STON2: variants seen among roughly 807,000 people sequenced by gnomAD.
STON2 encodes the protein stonin 2, also known as stonin-2.
A neutral mutation model predicts 65.7 loss-of-function variants in STON2; 29 were observed. The ratio of observed to expected loss-of-function variants is 0.44; its 90% CI spans 0.33 to 0.60. The LOEUF is 0.60. Among genes scored for constraint, STON2 ranks in the 20% least tolerant of loss-of-function variants. STON2 has a pLI of 0.03. For missense variants in STON2, 1,054 were observed against 1,118.1 expected (o/e 0.94, Z 0.82); for synonymous variants, 404 against 414.2 (o/e 0.98, Z 0.30).
intron 7 of STON2, chr14:81,270,180 A>T: frequency 2.2e-6 from 1 of 453,234 alleles, no homozygotes; most frequent in Non-Finnish European, 2.9e-6. Context: ...TCAACCTCCC[A>T]GAGTCAAGTG....
At chr14:81,318,886 T>C (rs901437666) in intron 5 of STON2, among the ~76,000 whole-genome samples, 7 of 152,182 alleles carry the variant, frequency 4.6e-5, no homozygotes, top group African/African-American at 1.7e-4. Flanking sequence ...GTGAAATACA[T>C]TTCCCTGCCC....
chr14:81,416,366 G>A (rs962110837), intron 2 of STON2, among the ~76,000 whole-genome samples: 5 of 152,176 alleles, frequency 3.3e-5, no homozygotes, highest in South Asian at 4.1e-4. Flanking sequence ...AAAGAAGGAG[G>A]AGACCTTAGA....
At chr14:81,406,994 T>C (rs2139844874) in intron 2 of STON2, among the ~76,000 whole-genome samples, 1 of 152,350 alleles carries the variant, frequency 6.6e-6, no homozygotes, top group South Asian at 2.1e-4. Flanking sequence ...GTATGACTGC[T>C]GTGCTTGGCT....
intron 4 of STON2, chr14:81,333,312 C>A: frequency 4.7e-6 from 3 of 640,180 alleles, no homozygotes; most frequent in South Asian, 1.6e-5. Flanking sequence ...CCTCTGAAGT[C>A]GTTGGTTGGT....
rs1322137805 is a variant in STON2, at chr14:81,278,127, T to C, written c.1355A>G (p.His452Arg). ...ATCAGGTAGAGTTGCACTGCCAAAG[T>C]GATCAGGGTCATCAATTTGGAGTTG... ...LKQLQIDDPD[H>R]FGSATLPDDD... The change falls in exon 6 of 8, where the codon CAC becomes CGC. Residue 452 changes from histidine (H) to arginine (R), a missense_variant. Transcript: ENST00000614646. The C allele has an allele frequency of 5.6e-6, 9 of 1,614,094 alleles. No individual in the cohort carries two copies. Among genetic ancestry groups the C allele is most frequent in the Non-Finnish European group, 7.6e-6 (9 of 1,180,056 alleles).
chr14:81,271,686 G>C (rs1469710215), intron 6 of STON2, among the ~76,000 whole-genome samples: 1 of 152,208 alleles, frequency 6.6e-6, no homozygotes, highest in African/African-American at 2.4e-5. Context: ...CTTTGGGTTT[G>C]ATTTTTACTT....
intron 1 of STON2, among the ~76,000 whole-genome samples, chr14:81,428,233 C>T (rs766321590): frequency 1.1e-4 from 17 of 152,086 alleles, no homozygotes; most frequent in South Asian, 2.1e-4. Flanking sequence ...TGTAGGGACA[C>T]GGAATGATTT....
At chr14:81,423,365 T>A (rs1901809126) in intron 2 of STON2, among the ~76,000 whole-genome samples, 1 of 152,156 alleles carries the variant, frequency 6.6e-6, no homozygotes, top group Admixed American at 6.5e-5. Flanking sequence ...GCAACATTAA[T>A]TATAATTTAA....
At chr14:81,378,302 A>G (rs1404448256) in intron 3 of STON2, among the ~76,000 whole-genome samples, 1 of 151,872 alleles carries the variant, frequency 6.6e-6, no homozygotes, top group African/African-American at 2.4e-5. Context: ...TGTAACTTCC[A>G]CCTCCCAGGT....
At chr14:81,373,936 A>G (rs1368135546) in intron 3 of STON2, among the ~76,000 whole-genome samples, 2 of 145,624 alleles carry the variant, frequency 1.4e-5, no homozygotes, top group Non-Finnish European at 3.0e-5. Context: ...AGTTGAGACT[A>G]GTTTAAGTAC....
intron 5 of STON2, among the ~76,000 whole-genome samples, chr14:81,302,132 C>G (rs1415801314): frequency 6.6e-6 from 1 of 152,176 alleles, no homozygotes; most frequent in Non-Finnish European, 1.5e-5. Flanking sequence ...CTGGACTGTG[C>G]CTGTCTGTGG....
intron 5 of STON2, among the ~76,000 whole-genome samples, chr14:81,303,318 C>G (rs1896043531): frequency 6.6e-6 from 1 of 152,182 alleles, no homozygotes; most frequent in Non-Finnish European, 1.5e-5. Flanking sequence ...GCCTGACACA[C>G]AGCAGGCACT....
At chr14:81,279,456 C>T (rs909406730) in intron 5 of STON2, among the ~76,000 whole-genome samples, 1 of 152,104 alleles carries the variant, frequency 6.6e-6, no homozygotes, top group African/African-American at 2.4e-5. Flanking sequence ...TTTGGGAGGC[C>T]GAGGTGGGCA....
chr14:81,277,331 C>G lies in STON2; in HGVS notation c.2151G>C (p.Arg717=). Residue 717 remains arginine, a synonymous_variant, in exon 6 of 8, where the codon CGG becomes CGC. Coordinates refer to ENST00000614646, the MANE Select transcript of STON2 (RefSeq NM_001394390.1). ...CATCCAAAGGGTTGAACAGAATGAC[C>G]CGTGAGTTGTGGAAAACATCCTCAT... ...CVDEDVFHNS[R]VILFNPLDAC... The G allele has an allele frequency of 7.4e-6, 12 of 1,614,154 alleles. No homozygotes were observed. The highest frequency in any genetic ancestry group is 1.0e-5 in the Non-Finnish European group (12 of 1,180,040).
chr14:81,411,752 G>A (rs952780471), intron 2 of STON2, among the ~76,000 whole-genome samples: 2 of 152,172 alleles, frequency 1.3e-5, no homozygotes, highest in African/African-American at 4.8e-5. Context: ...ATTTTAAAAA[G>A]TAAATGACAC....
At chr14:81,386,771 A>AT (rs1899827562) in intron 3 of STON2, among the ~76,000 whole-genome samples, 1 of 152,214 alleles carries the variant, frequency 6.6e-6, no homozygotes, top group Non-Finnish European at 1.5e-5. Flanking sequence ...CATGCTGACA[A>AT]TAGTGCCTTA....
chr14:81,321,881 A>C (rs1214773538), intron 5 of STON2, among the ~76,000 whole-genome samples: 1 of 152,170 alleles, frequency 6.6e-6, no homozygotes, highest in Admixed American at 6.5e-5. Flanking sequence ...TCCCATGGAA[A>C]CTGGACCATA....
At chr14:81,344,964 G>T (rs577644670) in intron 4 of STON2, among the ~76,000 whole-genome samples, 18 of 152,232 alleles carry the variant, frequency 1.2e-4, no homozygotes, top group Admixed American at 3.3e-4. Flanking sequence ...AAGTCATTCT[G>T]TAGGTAAGCA....
At chr14:81,282,129 A>T (rs79519947) in intron 5 of STON2, among the ~76,000 whole-genome samples, 1,667 of 152,308 alleles carry the variant, frequency 0.011, 39 homozygotes, top group African/African-American at 0.039. Context: ...GTACACAGTG[A>T]TGTTTATTAC....
Sources: gnomAD v4.1 joint callset for allele counts (sites outside exome capture counted in the v4.1 genomes callset) on GRCh38, gnomAD v4.1.1 for gene constraint, MANE v1.5 for transcripts, NCBI Gene and HGNC (gene_info 2026-07-23, HGNC 2026-07-21) for gene names.